NDST4: variants seen among roughly 807,000 people sequenced by gnomAD.
The protein encoded by NDST4 is N-deacetylase and N-sulfotransferase 4.
A neutral mutation model predicts 100.8 loss-of-function variants in NDST4; 63 were observed. The observed-to-expected ratio is 0.62, with a 90% confidence interval of 0.51 to 0.77. The LOEUF is 0.77. NDST4 is among the 30% of genes least tolerant of loss of function. The probability of loss-of-function intolerance (pLI) is 0.00; values close to 1 mark genes in which losing one functional copy is unlikely to be tolerated. For synonymous variants in NDST4, 377 were observed against 361.8 expected (o/e 1.04, Z -0.48); for missense variants, 943 against 1,018.4 (o/e 0.93, Z 1.01).
chr4:114,916,556 G>GT (rs1432587399), intron 6 of NDST4, among the ~76,000 whole-genome samples: 3 of 148,510 alleles, frequency 2.0e-5, no homozygotes, highest in Admixed American at 2.0e-4. Context: ...GTGTGTGTGT[G>GT]TGTGTGTGTG....
chr4:114,950,905 C>T (rs1725976026), intron 4 of NDST4, among the ~76,000 whole-genome samples: 2 of 151,984 alleles, frequency 1.3e-5, no homozygotes, highest in Non-Finnish European at 2.9e-5. Context: ...TGCATTCTCC[C>T]CTCTCCTATC....
intron 1 of NDST4, among the ~76,000 whole-genome samples, chr4:115,091,530 C>A (rs538672181): frequency 6.6e-6 from 1 of 152,004 alleles, no homozygotes; most frequent in African/African-American, 2.4e-5. Context: ...AAAATTGTGG[C>A]TACAATTTCC....
chr4:114,835,639 A>AG (rs1428213591), intron 11 of NDST4, among the ~76,000 whole-genome samples: 2 of 152,118 alleles, frequency 1.3e-5, no homozygotes, highest in Non-Finnish European at 2.9e-5. Flanking sequence ...AGTTCCATTT[A>AG]GTCCAGAGCT....
In NDST4 at chr4:115,076,668, A is replaced by G. The variant is rs781718876; in HGVS notation, c.369T>C (p.Asn123=). ...TAACTAAAGTATATTTCCCTTTGCC[A>G]TTATCTGTAAGAGGAGGTATATCTC... The part of the protein sequence containing the change: ...GKGDIPPLTD[N]GKGKYTLVIY... Residue 123 remains asparagine (N), a synonymous_variant, in exon 2 of 14, where the codon AAT becomes AAC. Coordinates refer to ENST00000264363, the MANE Select transcript of NDST4 (RefSeq NM_022569.3). 2 of 1,613,876 alleles carry G rather than the reference A, an allele frequency of 1.2e-6. No homozygotes were observed. Among genetic ancestry groups the G allele is most frequent in the East Asian group, 2.2e-5 (1 of 44,776 alleles).
At chr4:114,975,860 T>C (rs1425023737) in intron 3 of NDST4, among the ~76,000 whole-genome samples, 3 of 151,610 alleles carry the variant, frequency 2.0e-5, no homozygotes, top group Non-Finnish European at 2.9e-5. Context: ...AAATCATTTC[T>C]TGAGGGAGTT....
At chr4:115,023,832 G>A (rs1727917093) in intron 2 of NDST4, among the ~76,000 whole-genome samples, 1 of 152,096 alleles carries the variant, frequency 6.6e-6, no homozygotes, top group African/African-American at 2.4e-5. Flanking sequence ...TTTATGACAG[G>A]CCCATGCTAT....
At chr4:114,870,425 TCTA>T (rs1336660578) in intron 7 of NDST4, among the ~76,000 whole-genome samples, 1 of 152,114 alleles carries the variant, frequency 6.6e-6, no homozygotes, top group Non-Finnish European at 1.5e-5. Flanking sequence ...TCCCTAGATA[TCTA>T]CTGTCTAACC....
At chr4:114,844,441 T>G (rs1723499782) in intron 10 of NDST4, among the ~76,000 whole-genome samples, 1 of 152,184 alleles carries the variant, frequency 6.6e-6, no homozygotes, top group African/African-American at 2.4e-5. Context: ...CACGCGGAAT[T>G]TCTTCTAGCT....
chr4:114,924,509 A>G (rs1725350814), intron 6 of NDST4, among the ~76,000 whole-genome samples: 1 of 151,630 alleles, frequency 6.6e-6, no homozygotes, highest in South Asian at 2.1e-4. Flanking sequence ...AGAATTTTCC[A>G]CAATCTATAT....
intron 4 of NDST4, among the ~76,000 whole-genome samples, chr4:114,946,867 C>T (rs184897339): frequency 5.1e-4 from 78 of 152,096 alleles, no homozygotes; most frequent in Admixed American, 1.5e-3. Context: ...TAGATATTTT[C>T]ACATGCTTAA....
At chr4:114,951,119 G>A (rs779282017) in intron 4 of NDST4, among the ~76,000 whole-genome samples, 4 of 152,066 alleles carry the variant, frequency 2.6e-5, no homozygotes, top group Non-Finnish European at 4.4e-5. Flanking sequence ...AAGGAGGGAT[G>A]TAGTTTTCAC....
At chr4:114,961,180 T>A (rs1202622657) in intron 4 of NDST4, among the ~76,000 whole-genome samples, 2 of 151,936 alleles carry the variant, frequency 1.3e-5, no homozygotes, top group Non-Finnish European at 2.9e-5. Flanking sequence ...AACTTACTAA[T>A]ACTTAGAGGA....
intron 6 of NDST4, among the ~76,000 whole-genome samples, chr4:114,917,984 A>T (rs1725209599): frequency 1.3e-5 from 2 of 152,154 alleles, no homozygotes; most frequent in South Asian, 4.1e-4. Flanking sequence ...TAATCATGTC[A>T]ATACTTGAGT....
chr4:115,102,180 G>T (rs539058827), intron 1 of NDST4, among the ~76,000 whole-genome samples: 1 of 152,128 alleles, frequency 6.6e-6, no homozygotes, highest in African/African-American at 2.4e-5. Flanking sequence ...ATTATATTTA[G>T]TATTGATTTG....
intron 2 of NDST4, among the ~76,000 whole-genome samples, chr4:114,989,722 C>T (rs1726994758): frequency 6.6e-6 from 1 of 152,018 alleles, no homozygotes; most frequent in African/African-American, 2.4e-5. Context: ...AATGAGGGTC[C>T]TGGAGTTTGT....
chr4:115,088,270 C>G, intron 1 of NDST4, among the ~76,000 whole-genome samples: 1 of 151,786 alleles, frequency 6.6e-6, no homozygotes, highest in Non-Finnish European at 1.5e-5. Context: ...TTCTCACTGT[C>G]CTTATCTGCC....
At chr4:115,092,625 TC>T (rs146327844) in intron 1 of NDST4, among the ~76,000 whole-genome samples, 6,612 of 152,298 alleles carry the variant, frequency 0.043, 185 homozygotes, top group Middle Eastern at 0.096. Flanking sequence ...TGCTGTATTT[TC>T]TGCAAAGGTC....
At chr4:115,079,819 T>G (rs1038607858) in intron 1 of NDST4, among the ~76,000 whole-genome samples, 25 of 152,188 alleles carry the variant, frequency 1.6e-4, no homozygotes, top group African/African-American at 6.0e-4. Flanking sequence ...TGTCGCTACT[T>G]TTCATTTTAT....
intron 2 of NDST4, among the ~76,000 whole-genome samples, chr4:115,050,405 T>C (rs200053826): frequency 1.3e-5 from 2 of 149,614 alleles, no homozygotes; most frequent in African/African-American, 4.9e-5. Flanking sequence ...AATGAAGCAT[T>C]ACACACACAC....
Sources: allele counts gnomAD v4.1 joint callset (sites outside exome capture counted in the v4.1 genomes callset), GRCh38; gene constraint gnomAD v4.1.1; transcripts MANE v1.5; gene names NCBI Gene and HGNC (gene_info 2026-07-23, HGNC 2026-07-21).